The following NETO2 variants were observed in gnomAD, a reference collection of about 807,000 sequenced individuals.
The protein encoded by NETO2 is neuropilin and tolloid like 2.
In NETO2, 28 loss-of-function variants were observed where a neutral mutation model predicts 62.5. The observed-to-expected ratio is 0.45, with a 90% confidence interval of 0.33 to 0.61. The LOEUF is 0.61. Among genes scored for constraint, NETO2 ranks in the 20% least tolerant of loss-of-function variants. The pLI is 0.02. For synonymous variants in NETO2, 214 were observed against 219.1 expected (o/e 0.98, Z 0.21); for missense variants, 548 against 643.2 (o/e 0.85, Z 1.60).
At chr16:47,104,504 G>A (rs1963628191) in intron 7 of NETO2, among the ~76,000 whole-genome samples, 1 of 152,094 alleles carries the variant, frequency 6.6e-6, no homozygotes. Flanking sequence ...TCCCAACAGT[G>A]TTTCTGCAGA....
At chr16:47,085,311 T>C (rs1395459935) in intron 8 of NETO2, among the ~76,000 whole-genome samples, 1 of 152,206 alleles carries the variant, frequency 6.6e-6, no homozygotes, top group African/African-American at 2.4e-5. Context: ...TTAAATAAGG[T>C]ATGTTTACAA....
chr16:47,124,856 C>T (rs1310158665), intron 4 of NETO2, among the ~76,000 whole-genome samples: 1 of 152,156 alleles, frequency 6.6e-6, no homozygotes, highest in African/African-American at 2.4e-5. Flanking sequence ...TCTATCAAAA[C>T]TGTGAAGCAC....
chr16:47,127,003 TAACA>T (rs889343753), intron 4 of NETO2, among the ~76,000 whole-genome samples: 2 of 152,210 alleles, frequency 1.3e-5, no homozygotes, highest in Non-Finnish European at 2.9e-5. Flanking sequence ...CAATCTTGTG[TAACA>T]AACAAAAGAA....
At chr16:47,116,525 T>A (rs899046978) in intron 6 of NETO2, among the ~76,000 whole-genome samples, 3 of 152,224 alleles carry the variant, frequency 2.0e-5, no homozygotes, top group African/African-American at 4.8e-5. Context: ...TTAGATTTGC[T>A]AATATTTTAT....
intron 1 of NETO2, among the ~76,000 whole-genome samples, chr16:47,141,187 CATT>C (rs531705876): frequency 2.4e-4 from 36 of 152,352 alleles, no homozygotes; most frequent in African/African-American, 7.7e-4. Context: ...CTCACACACT[CATT>C]ATGGCTGATT....
rs1434963001 is a variant in NETO2 at position 47,081,791 on chromosome 16, G to C, written c.*1430C>G. 1 of 152,256 alleles carries C rather than the reference G, an allele frequency of 6.6e-6. No individual in the cohort carries two copies. The highest frequency in any genetic ancestry group is 2.4e-5 in the African/African-American group (1 of 41,394). 9.4% of individuals were successfully genotyped at this position (152,256 alleles called of 1,614,324 possible). ...GGTGGCATAAATAACATGATTAAAG[G>C]GTCAGGTACAATGTATATTTTAATA... On this transcript the variant is annotated 3_prime_UTR_variant, in exon 9 of 9. Coordinates refer to ENST00000562435, the MANE Select transcript of NETO2 (RefSeq NM_018092.5).
intron 6 of NETO2, among the ~76,000 whole-genome samples, chr16:47,113,640 G>A (rs977638680): frequency 2.2e-5 from 3 of 133,728 alleles, no homozygotes; most frequent in African/African-American, 8.7e-5. Context: ...CGCCCAGGCT[G>A]GAGTGCAGTA....
chr16:47,109,269 C>T (rs764441590), intron 7 of NETO2, among the ~76,000 whole-genome samples: 1 of 151,642 alleles, frequency 6.6e-6, no homozygotes, highest in Admixed American at 6.6e-5. Context: ...GAGTTTAAGG[C>T]CAGCCTGTGC....
Position 47,083,497 on chromosome 16 carries a change from G to T in NETO2, c.1302C>A (p.Cys434Ter). Reference sequence around the variant, plus strand: ...GCGACCCACAGTGGTGGTCGTGGATGCAGCGGGAGGCGGTGGAGGAGCGCC... The same window carrying T: ...GCGACCCACAGTGGTGGTCGTGGATTCAGCGGGAGGCGGTGGAGGAGCGCC... ...KMRRSSTASR[C>*]IHDHHCGSQA... The change falls in exon 9 of 9, where the codon TGC becomes TGA. Residue 434 changes from cysteine (C) to a stop codon, truncating the protein, a stop_gained. Coordinates refer to ENST00000562435, the MANE Select transcript of NETO2 (RefSeq NM_018092.5). LOFTEE classifies it high-confidence loss of function. 1 of 1,614,240 alleles carries T rather than the reference G, an allele frequency of 6.2e-7. No homozygotes were observed. The highest frequency in any genetic ancestry group is 8.5e-7 in the Non-Finnish European group (1 of 1,180,048).
chr16:47,087,054 G>A (rs1022878922), intron 7 of NETO2, among the ~76,000 whole-genome samples: 1 of 149,038 alleles, frequency 6.7e-6, no homozygotes, highest in Non-Finnish European at 1.5e-5. Context: ...TTTTGAGATG[G>A]AGTCTCACTC....
Position 47,122,985 on chromosome 16 carries a change from C to T in NETO2, c.482-73G>A. 2.1e-6 allele frequency: 3 copies of T among 1,401,332 alleles called. No homozygotes were observed. The South Asian group carries it at 3.7e-5, about 17-fold the overall frequency. The allele number at this position is 1,401,332 out of a possible 1,614,324, so 86.8% of individuals were successfully genotyped here. ...TAATCCTCGATGTCTTACATTACAT[C>T]TAACGTTCCATTTCATAGCAAGGTA... On this transcript the variant is annotated intron_variant, in intron 4 of 8. Coordinates refer to ENST00000562435, the MANE Select transcript of NETO2 (RefSeq NM_018092.5).
chr16:47,141,862 G>A (rs1596756933), intron 1 of NETO2, among the ~76,000 whole-genome samples: 1 of 152,356 alleles, frequency 6.6e-6, no homozygotes, highest in East Asian at 1.9e-4. Flanking sequence ...GATGGCCAGA[G>A]AGGGCAGTGT....
Position 47,082,171 on chromosome 16 carries a change from A to T in NETO2, c.*1050T>A, listed in dbSNP as rs1963077788. ...AAAAAAGTGGAAGTTGTTATTCTTG[A>T]TAAGAGCTAGAAAAATGTCATGTCC... On this transcript the variant is annotated 3_prime_UTR_variant, in exon 9 of 9. Coordinates refer to ENST00000562435, the MANE Select transcript of NETO2 (RefSeq NM_018092.5). The T allele has an allele frequency of 6.5e-6, 1 of 152,674 alleles. No individual in the cohort carries two copies. The highest frequency in any genetic ancestry group is 1.5e-5 in the Non-Finnish European group (1 of 68,030). The allele number at this position is 152,674 out of a possible 1,614,324, so 9.5% of individuals were successfully genotyped here. A position where few individuals can be genotyped will look rare whatever the true frequency, so the allele number is the denominator to read the frequency against.
At chr16:47,139,548 TATA>T (rs1964424003) in intron 1 of NETO2, among the ~76,000 whole-genome samples, 1 of 152,230 alleles carries the variant, frequency 6.6e-6, no homozygotes, top group Non-Finnish European at 1.5e-5. Context: ...TACCATTTCC[TATA>T]ATGACAGCAG....
intron 6 of NETO2, among the ~76,000 whole-genome samples, chr16:47,115,224 C>T (rs2143928015): frequency 6.6e-6 from 1 of 152,204 alleles, no homozygotes; most frequent in Non-Finnish European, 1.5e-5. Context: ...TAATCCCTTG[C>T]TTTTCCATTA....
At chr16:47,113,535 C>T (rs894512435) in intron 6 of NETO2, among the ~76,000 whole-genome samples, 5 of 151,538 alleles carry the variant, frequency 3.3e-5, no homozygotes, top group Admixed American at 2.6e-4. Context: ...GTAGTTTATC[C>T]CTTTTTATTG....
At chr16:47,126,442 G>A (rs1964158756) in intron 4 of NETO2, among the ~76,000 whole-genome samples, 1 of 152,212 alleles carries the variant, frequency 6.6e-6, no homozygotes, top group African/African-American at 2.4e-5. Flanking sequence ...GGGAGATACT[G>A]AAGAGATCAG....
chr16:47,127,523 A>G (rs1440669050), intron 4 of NETO2, among the ~76,000 whole-genome samples: 1 of 152,226 alleles, frequency 6.6e-6, no homozygotes, highest in Admixed American at 6.5e-5. Context: ...AAAAGAGTAG[A>G]AAGAGCTGTG....
chr16:47,108,599 T>C (rs1963721386), intron 7 of NETO2, among the ~76,000 whole-genome samples: 1 of 152,164 alleles, frequency 6.6e-6, no homozygotes, highest in Non-Finnish European at 1.5e-5. Context: ...CTAAACTGGC[T>C]AGCTAGTACT....
Sources: allele counts gnomAD v4.1 joint callset (sites outside exome capture counted in the v4.1 genomes callset), GRCh38; gene constraint gnomAD v4.1.1; transcripts MANE v1.5; gene names NCBI Gene and HGNC (gene_info 2026-07-23, HGNC 2026-07-21).